The following ZNF469 variants were observed in gnomAD, a reference collection of about 807,000 sequenced individuals.
ZNF469 encodes the protein zinc finger protein 469.
In ZNF469, 1 loss-of-function variant was observed where a neutral mutation model predicts 1.0. That is an observed-to-expected ratio of 1.00 (90% confidence interval 0.35 to 4.73). The LOEUF is 4.73. ZNF469 is among the 30% of genes most tolerant of loss of function. ZNF469 has a pLI of 0.16. For missense variants in ZNF469, 6,100 were observed against 5,356.3 expected (o/e 1.14, Z -4.33); for synonymous variants, 2,703 against 2,363.4 (o/e 1.14, Z -4.17).
At chr16:88,132,923 G>A in the ZNF469 span, among the ~76,000 whole-genome samples, 3 of 152,236 alleles carry the variant, frequency 2.0e-5, no homozygotes, top group Non-Finnish European at 2.9e-5. Flanking sequence ...GTGGACCCCC[G>A]AGCTGACCAC....
the ZNF469 span, among the ~76,000 whole-genome samples, chr16:88,316,172 T>C: frequency 1.2e-4 from 19 of 152,196 alleles, 1 homozygote; most frequent in Non-Finnish European, 2.6e-4. Context: ...CTCACCGGAA[T>C]CTCCGGGGCA....
the ZNF469 span, among the ~76,000 whole-genome samples, chr16:88,205,668 C>T: frequency 2.0e-5 from 3 of 152,142 alleles, no homozygotes; most frequent in Admixed American, 6.5e-5. This position sits in a 1 kb window ranked among gnomAD's most constrained non-coding sequence, Gnocchi z 4.2. Flanking sequence ...GGCACGGATG[C>T]GGAACCGGCT....
chr16:88,262,281 A>G, the ZNF469 span, among the ~76,000 whole-genome samples: 2 of 152,034 alleles, frequency 1.3e-5, no homozygotes, highest in African/African-American at 4.8e-5. The surrounding 1 kb of genome is among the most constrained non-coding windows in gnomAD (Gnocchi z 4.3). Context: ...AACTGGACAT[A>G]CTCCAGAGGG....
chr16:88,227,246 T>C, the ZNF469 span, among the ~76,000 whole-genome samples: 1 of 152,298 alleles, frequency 6.6e-6, no homozygotes, highest in East Asian at 1.9e-4. Context: ...TGACTAGTCT[T>C]GTTCCCACTG....
chr16:88,305,667 T>TAC, the ZNF469 span, among the ~76,000 whole-genome samples: 1 of 151,278 alleles, frequency 6.6e-6, no homozygotes, highest in South Asian at 2.1e-4. Context: ...CACCTTCACA[T>TAC]ACACACACAT....
the ZNF469 span, among the ~76,000 whole-genome samples, chr16:88,105,348 A>T: frequency 7.1e-6 from 1 of 140,306 alleles, no homozygotes; most frequent in East Asian, 2.1e-4. Flanking sequence ...CTTGTTGCCC[A>T]GGCTGGAGTG....
chr16:88,146,116 C>A, the ZNF469 span, among the ~76,000 whole-genome samples: 1 of 152,236 alleles, frequency 6.6e-6, no homozygotes, highest in East Asian at 1.9e-4. Context: ...CTCCTTGCTG[C>A]CTGTAATGCC....
At chr16:88,171,438 G>T in the ZNF469 span, among the ~76,000 whole-genome samples, 1 of 152,224 alleles carries the variant, frequency 6.6e-6, no homozygotes, top group Non-Finnish European at 1.5e-5. Context: ...CCCAGGCCCA[G>T]CCTGCCCTGC....
the ZNF469 span, among the ~76,000 whole-genome samples, chr16:88,373,023 C>A: frequency 6.6e-6 from 1 of 152,224 alleles, no homozygotes; most frequent in African/African-American, 2.4e-5. Flanking sequence ...ACCATCATCG[C>A]CATCATCCTC....
At chr16:88,284,525 C>T in the ZNF469 span, among the ~76,000 whole-genome samples, 1 of 149,738 alleles carries the variant, frequency 6.7e-6, no homozygotes, top group Non-Finnish European at 1.5e-5. Context: ...GTGGGAGGAT[C>T]GCTTGAGCCC....
At chr16:88,405,917 C>T (rs1031951125) in intron 1 of ZNF469, among the ~76,000 whole-genome samples, 14 of 152,272 alleles carry the variant, frequency 9.2e-5, no homozygotes, top group African/African-American at 3.4e-4. Context: ...ACCCCCGCCC[C>T]CAAAACACAC....
intron 1 of ZNF469, among the ~76,000 whole-genome samples, chr16:88,407,905 C>G (rs1277507458): frequency 6.6e-6 from 1 of 152,262 alleles, no homozygotes; most frequent in East Asian, 1.9e-4. Context: ...CATGCACACA[C>G]CCGGCCATGC....
At chr16:88,117,670 G>A in the ZNF469 span, among the ~76,000 whole-genome samples, 33 of 122,128 alleles carry the variant, frequency 2.7e-4, no homozygotes, top group African/African-American at 8.9e-4. Context: ...AAACCGTGGA[G>A]GTGCCACGTG....
chr16:88,239,701 A>T, the ZNF469 span, among the ~76,000 whole-genome samples: 1 of 8,654 alleles, frequency 1.2e-4, no homozygotes, highest in Non-Finnish European at 1.7e-4. Flanking sequence ...ATATATATAT[A>T]TATATATATA....
upstream of ZNF469, among the ~76,000 whole-genome samples, chr16:88,378,507 T>A (rs2092514426): frequency 6.6e-6 from 1 of 152,170 alleles, no homozygotes; most frequent in African/African-American, 2.4e-5. Context: ...GGAGCCGTCC[T>A]CAGGGAGGTG....
the ZNF469 span, among the ~76,000 whole-genome samples, chr16:88,130,182 G>A: frequency 1.3e-5 from 2 of 152,264 alleles, no homozygotes; most frequent in East Asian, 1.9e-4. Context: ...TTGCAGCATC[G>A]GGGTGCGTGC....
chr16:88,155,892 G>A, the ZNF469 span, among the ~76,000 whole-genome samples: 327 of 152,250 alleles, frequency 2.1e-3, 1 homozygote, highest in African/African-American at 7.0e-3. Context: ...CCTCGTCATC[G>A]CCACGTTCTC....
the ZNF469 span, among the ~76,000 whole-genome samples, chr16:88,189,006 C>T: frequency 3.3e-5 from 5 of 152,052 alleles, no homozygotes; most frequent in African/African-American, 1.2e-4. The surrounding 1 kb of genome is among the most constrained non-coding windows in gnomAD (Gnocchi z 4.3). Flanking sequence ...AAGGAAGGTC[C>T]TTCTTTCTCA....
chr16:88,439,392 G>A lies in ZNF469; in HGVS notation c.*60G>A, dbSNP rs1473111416. ...CGTTCCTGTCTCGGCCTGCCTCCTT[G>A]GCCAGCTCCGGCTCCCTGAGATGGT... On this transcript the variant is annotated 3_prime_UTR_variant, in exon 3 of 3. Transcript: ENST00000565624. 3.1e-5 allele frequency: 47 copies of A among 1,530,734 alleles called. No individual in the cohort carries two copies. The East Asian group carries it at 1.2e-3, about 37-fold the overall frequency. 94.8% of individuals were successfully genotyped at this position (1,530,734 alleles called of 1,614,324 possible). A position where few individuals can be genotyped will look rare whatever the true frequency, so the allele number is the denominator to read the frequency against.
Sources: allele counts gnomAD v4.1 joint callset (sites outside exome capture counted in the v4.1 genomes callset), GRCh38; gene constraint gnomAD v4.1.1; non-coding constraint Gnocchi (gnomAD v3.1); transcripts MANE v1.5; gene names NCBI Gene and HGNC (gene_info 2026-07-23, HGNC 2026-07-21).